The following GPR89A variants were observed in gnomAD, a reference collection of about 807,000 sequenced individuals.
The protein encoded by GPR89A is golgi pH regulator A.
In GPR89A, 16 loss-of-function variants were observed where a neutral mutation model predicts 52.0. The ratio of observed to expected loss-of-function variants is 0.31; its 90% CI spans 0.21 to 0.47. The LOEUF is 0.47. Ranked by LOEUF, GPR89A falls within the 20% of genes least tolerant of loss-of-function variation. The pLI, the probability that GPR89A is intolerant of heterozygous loss-of-function variation, is 1.00. For synonymous variants in GPR89A, 55 were observed against 150.9 expected (o/e 0.36, Z 4.66); for missense variants, 135 against 449.4 (o/e 0.30, Z 6.33).
chr1:145,628,537 T>C (rs1649665267), intron 5 of GPR89A, among the ~76,000 whole-genome samples: 1 of 151,858 alleles, frequency 6.6e-6, no homozygotes, highest in South Asian at 2.1e-4. Context: ...CCCTTTTATC[T>C]GTGTGGCCTT....
intron 10 of GPR89A, among the ~76,000 whole-genome samples, chr1:145,647,498 T>C (rs1651083742): frequency 6.6e-6 from 1 of 151,732 alleles, no homozygotes; most frequent in South Asian, 2.1e-4. Context: ...AATAAGGCCT[T>C]AGTTTATGAA....
chr1:145,610,351 C>G (rs1391675791), intron 1 of GPR89A, among the ~76,000 whole-genome samples: 1 of 152,084 alleles, frequency 6.6e-6, no homozygotes, highest in Non-Finnish European at 1.5e-5. Flanking sequence ...CTTTTCAGGT[C>G]CCTTATTGAT....
intron 3 of GPR89A, among the ~76,000 whole-genome samples, chr1:145,619,715 C>A (rs1648986736): frequency 6.6e-6 from 1 of 151,666 alleles, no homozygotes; most frequent in Non-Finnish European, 1.5e-5. Context: ...TGCTTTTAAA[C>A]TTTAATAATC....
chr1:145,641,185 T>G lies in GPR89A; in HGVS notation c.618-2684T>G, dbSNP rs181122874. Reference sequence around the variant, plus strand: ...ATTTATCCAGAGAAATGAAGATTTATATTCACACAAAAAAACTGTACTTGA... The same window carrying G: ...ATTTATCCAGAGAAATGAAGATTTAGATTCACACAAAAAAACTGTACTTGA... On this transcript the variant is annotated intron_variant, in intron 7 of 13. Transcript: ENST00000313835. Among the ~76,000 whole-genome samples the G allele has an allele frequency of 5.3e-5, 8 of 151,042 alleles. No homozygotes were observed. In the East Asian group the frequency reaches 1.3e-3, roughly 25 times the overall value.
At chr1:145,655,155 G>A (rs587602988) in intron 10 of GPR89A, among the ~76,000 whole-genome samples, 2 of 150,388 alleles carry the variant, frequency 1.3e-5, no homozygotes, top group South Asian at 4.2e-4. Context: ...CATTGTTTAT[G>A]TTCCTTTTTA....
chr1:145,646,979 G>A (rs1472431671), intron 9 of GPR89A, 196 bp from the exon 10 acceptor site: 1 of 647,870 alleles, frequency 1.5e-6, no homozygotes, highest in Non-Finnish European at 2.6e-6. Context: ...ATGCATGTAA[G>A]ATGTTTATCC....
At chr1:145,660,971 A>T (rs1652151891) in intron 10 of GPR89A, among the ~76,000 whole-genome samples, 2 of 151,704 alleles carry the variant, frequency 1.3e-5, no homozygotes, top group African/African-American at 4.8e-5. Context: ...TACCCAAAGG[A>T]CTATAAATCA....
At chr1:145,647,562 C>T (rs1453856140) in intron 10 of GPR89A, among the ~76,000 whole-genome samples, 3 of 151,400 alleles carry the variant, frequency 2.0e-5, no homozygotes, top group South Asian at 2.1e-4. Context: ...CCAGCACTTT[C>T]GGAGGCCAAG....
chr1:145,635,014 A>C (rs1650126649), intron 7 of GPR89A, among the ~76,000 whole-genome samples: 1 of 152,202 alleles, frequency 6.6e-6, no homozygotes, highest in African/African-American at 2.4e-5. Context: ...ACAGGTTTTG[A>C]ATTGCATGAG....
intron 10 of GPR89A, among the ~76,000 whole-genome samples, chr1:145,660,131 C>T (rs1352614314): frequency 5.9e-5 from 9 of 152,046 alleles, no homozygotes; most frequent in Non-Finnish European, 1.2e-4. Flanking sequence ...CGAACAGAGC[C>T]CTCAGAAATC....
At chr1:145,621,121 C>T (rs1290285398) in intron 3 of GPR89A, among the ~76,000 whole-genome samples, 31 of 151,746 alleles carry the variant, frequency 2.0e-4, no homozygotes, top group African/African-American at 4.3e-4. Flanking sequence ...CTCTTTGTTT[C>T]GTGATGCCTG....
chr1:145,655,318 A>C (rs1300328510), intron 10 of GPR89A, among the ~76,000 whole-genome samples: 2 of 151,876 alleles, frequency 1.3e-5, no homozygotes, highest in African/African-American at 4.8e-5. Context: ...TCTCAGCCTC[A>C]GCCTCAGCCC....
chr1:145,615,149 G>T (rs1648579784), intron 1 of GPR89A, among the ~76,000 whole-genome samples: 1 of 152,138 alleles, frequency 6.6e-6, no homozygotes, highest in Non-Finnish European at 1.5e-5. Flanking sequence ...AAACAAAACT[G>T]ACGAAAGAGG....
chr1:145,608,238 T>A, intron 1 of GPR89A, 63 bp downstream of exon 1: 2 of 1,600,338 alleles, frequency 1.2e-6, no homozygotes, highest in Non-Finnish European at 1.7e-6. Context: ...CCCTCTCCGG[T>A]CCTCCGCGGT....
chr1:145,668,756 A>G (rs1429433586), intron 12 of GPR89A, among the ~76,000 whole-genome samples: 1 of 152,026 alleles, frequency 6.6e-6, no homozygotes, highest in Non-Finnish European at 1.5e-5. Context: ...ATCAATACCT[A>G]ATTTATTGAG....
In GPR89A at chr1:145,646,563, G is replaced by C. The variant is rs587656918; in HGVS notation, c.816+291G>C. Reference sequence around the variant, plus strand: ...CCACCTCCTACTAACCTGGGATAAAGATGGTAGCTACTTTTATTCCTTTAT... The same window carrying C: ...CCACCTCCTACTAACCTGGGATAAACATGGTAGCTACTTTTATTCCTTTAT... On this transcript the variant is annotated intron_variant, in intron 9 of 13. Coordinates refer to ENST00000313835, the MANE Select transcript of GPR89A (RefSeq NM_001097612.2). 2.1e-4 allele frequency: 93 copies of C among 438,360 alleles called. 3 individuals carry two copies. In the South Asian group the frequency reaches 2.6e-3, roughly 12 times the overall value. 27.2% of individuals were successfully genotyped at this position (438,360 alleles called of 1,614,324 possible). A position where few individuals can be genotyped will look rare whatever the true frequency, so the allele number is the denominator to read the frequency against.
At chr1:145,634,103 G>A (rs1376120830) in intron 7 of GPR89A, among the ~76,000 whole-genome samples, 9 of 141,602 alleles carry the variant, frequency 6.4e-5, no homozygotes, top group South Asian at 4.5e-4. Context: ...TTTTTAAGAC[G>A]GAGTCTCACT....
At chr1:145,614,499 G>A (rs1426155156) in intron 1 of GPR89A, among the ~76,000 whole-genome samples, 1 of 152,090 alleles carries the variant, frequency 6.6e-6, no homozygotes, top group Non-Finnish European at 1.5e-5. Context: ...GAATGCTGAA[G>A]AATAAACCAT....
intron 10 of GPR89A, among the ~76,000 whole-genome samples, chr1:145,660,696 CAAG>C (rs1652132268): frequency 6.6e-6 from 1 of 151,656 alleles, no homozygotes; most frequent in Non-Finnish European, 1.5e-5. Context: ...CCAAAAAACA[CAAG>C]AAAAAATGCT....
Sources: gnomAD v4.1 joint callset for allele counts (sites outside exome capture counted in the v4.1 genomes callset) on GRCh38, gnomAD v4.1.1 for gene constraint, MANE v1.5 for transcripts, NCBI Gene and HGNC (gene_info 2026-07-23, HGNC 2026-07-21) for gene names.